The following PTGER3 variants were observed in gnomAD, a reference collection of about 807,000 sequenced individuals.
The protein encoded by PTGER3 is prostaglandin E2 receptor EP3 subtype.
Under a neutral mutation model 34.7 loss-of-function variants are expected in PTGER3, and 22 were observed. The observed-to-expected ratio is 0.63, with a 90% CI of 0.45 to 0.91. PTGER3 has a LOEUF of 0.91. Among genes scored for constraint, PTGER3 ranks in the 40% least tolerant of loss-of-function variants. The probability of loss-of-function intolerance (pLI) is 0.00; values close to 1 mark genes in which losing one functional copy is unlikely to be tolerated. For missense variants in PTGER3, 468 were observed against 519.4 expected (o/e 0.90, Z 0.96); for synonymous variants, 241 against 230.1 (o/e 1.05, Z -0.43).
intron 2 of PTGER3, among the ~76,000 whole-genome samples, chr1:71,001,735 T>C (rs984796430): frequency 2.0e-5 from 3 of 152,190 alleles, no homozygotes; most frequent in African/African-American, 7.2e-5. Context: ...GATGAGGTAC[T>C]AAGCCTAAAA....
intron 2 of PTGER3, among the ~76,000 whole-genome samples, chr1:71,005,657 G>A (rs961522796): frequency 1.9e-4 from 29 of 152,176 alleles, no homozygotes; most frequent in African/African-American, 6.0e-4. Context: ...CAAGCCTGCA[G>A]AAGTGACTTA....
At chr1:70,856,388 C>G (rs1293047117) in intron 4 of PTGER3, among the ~76,000 whole-genome samples, 1 of 142,860 alleles carries the variant, frequency 7.0e-6, no homozygotes, top group African/African-American at 2.6e-5. Flanking sequence ...TGCAGTGAGT[C>G]GATATTGCAC....
At chr1:70,948,613 G>A (rs1204484924), downstream of PTGER3, among the ~76,000 whole-genome samples, 1 of 152,142 alleles carries the variant, frequency 6.6e-6, no homozygotes, top group African/African-American at 2.4e-5. Context: ...TGAGACTTGA[G>A]TCTCACGTGC....
At chr1:70,973,238 G>GATAC (rs1653314215) in intron 3 of PTGER3, among the ~76,000 whole-genome samples, 1 of 143,236 alleles carries the variant, frequency 7.0e-6, no homozygotes, top group Non-Finnish European at 1.6e-5. Context: ...TAGATAGATA[G>GATAC]ATAGATAGAT....
At chr1:70,923,113 G>A (rs537933497) in intron 4 of PTGER3, among the ~76,000 whole-genome samples, 1 of 151,984 alleles carries the variant, frequency 6.6e-6, no homozygotes, top group African/African-American at 2.4e-5. Context: ...TGTCTATTGG[G>A]TGTAACATCA....
chr1:70,856,295 C>T (rs1645801963), intron 4 of PTGER3, among the ~76,000 whole-genome samples: 1 of 151,956 alleles, frequency 6.6e-6, no homozygotes, highest in Non-Finnish European at 1.5e-5. Context: ...AAAAAATTAG[C>T]TGGGTGTGGT....
intron 4 of PTGER3, among the ~76,000 whole-genome samples, chr1:70,883,331 T>C (rs2100604389): frequency 6.6e-6 from 1 of 152,332 alleles, no homozygotes; most frequent in East Asian, 1.9e-4. Flanking sequence ...AACACATTCA[T>C]AAACATAGCA....
At chr1:70,934,364 A>C (rs1373876638) in intron 4 of PTGER3, among the ~76,000 whole-genome samples, 3 of 152,164 alleles carry the variant, frequency 2.0e-5, no homozygotes, top group Admixed American at 6.6e-5. Flanking sequence ...CATCATCACG[A>C]AGATGCCTCA....
At chr1:70,926,564 C>T (rs1299899637) in intron 4 of PTGER3, among the ~76,000 whole-genome samples, 1 of 152,174 alleles carries the variant, frequency 6.6e-6, no homozygotes, top group Non-Finnish European at 1.5e-5. Flanking sequence ...TGCTTATCAG[C>T]TTAAGGAGAT....
intron 2 of PTGER3, among the ~76,000 whole-genome samples, chr1:70,978,948 C>T (rs1369241064): frequency 6.6e-6 from 1 of 152,166 alleles, no homozygotes; most frequent in Non-Finnish European, 1.5e-5. Flanking sequence ...TGGAATCTAG[C>T]TTTCTCTTTC....
At chr1:70,912,206 C>A (rs1222668897) in intron 4 of PTGER3, among the ~76,000 whole-genome samples, 2 of 151,954 alleles carry the variant, frequency 1.3e-5, no homozygotes, top group African/African-American at 2.4e-5. Flanking sequence ...GTCTACACAG[C>A]TTTGAACTCT....
chr1:71,017,190 T>A (rs2268057), intron 1 of PTGER3, among the ~76,000 whole-genome samples: 7 of 151,842 alleles, frequency 4.6e-5, no homozygotes, highest in African/African-American at 1.2e-4. Context: ...TAAAAACAAG[T>A]GTCCTAAAAA....
intron 4 of PTGER3, among the ~76,000 whole-genome samples, chr1:70,938,932 G>A (rs1649499967): frequency 1.3e-5 from 2 of 152,102 alleles, no homozygotes; most frequent in African/African-American, 4.8e-5. Flanking sequence ...AACCAGTCAT[G>A]CCTTCCCAAC....
intron 2 of PTGER3, among the ~76,000 whole-genome samples, chr1:70,995,909 G>A (rs985131610): frequency 8.6e-5 from 13 of 152,004 alleles, no homozygotes; most frequent in Admixed American, 6.5e-4. Context: ...TTATATATAC[G>A]TATTATCTCA....
intron 2 of PTGER3, among the ~76,000 whole-genome samples, chr1:70,996,687 G>T (rs1655996435): frequency 2.1e-5 from 1 of 47,298 alleles, no homozygotes; most frequent in South Asian, 5.8e-4. Context: ...TTATTGAGAC[G>T]GAGTCTCGCT....
At chr1:70,934,616 C>T (rs1437591060) in intron 4 of PTGER3, among the ~76,000 whole-genome samples, 2 of 152,150 alleles carry the variant, frequency 1.3e-5, no homozygotes, top group African/African-American at 2.4e-5. Flanking sequence ...TAAATATGCT[C>T]ATGGATCAAC....
chr1:70,949,384 C>T (rs952710701), downstream of PTGER3, among the ~76,000 whole-genome samples: 37 of 152,134 alleles, frequency 2.4e-4, no homozygotes, highest in Admixed American at 1.1e-3. Context: ...TAAAGTGTCC[C>T]ATAGCACCAG....
intron 4 of PTGER3, among the ~76,000 whole-genome samples, chr1:70,858,980 T>G (rs1019026707): frequency 6.6e-6 from 1 of 152,234 alleles, no homozygotes; most frequent in Non-Finnish European, 1.5e-5. Context: ...CAATAAGGTG[T>G]TAGGTATCAG....
intron 4 of PTGER3, among the ~76,000 whole-genome samples, chr1:70,854,426 G>A (rs552705933): frequency 1.3e-5 from 2 of 152,290 alleles, no homozygotes; most frequent in African/African-American, 4.8e-5. Context: ...CACCCATTAA[G>A]ATGGTGATAT....
Sources: gnomAD v4.1 joint callset for allele counts (sites outside exome capture counted in the v4.1 genomes callset) on GRCh38, gnomAD v4.1.1 for gene constraint, MANE v1.5 for transcripts, NCBI Gene and HGNC (gene_info 2026-07-23, HGNC 2026-07-21) for gene names.